ADIPOR2: variants seen among roughly 807,000 people sequenced by gnomAD.
The protein encoded by ADIPOR2 is adiponectin receptor 2.
ADIPOR2 carries 18 observed loss-of-function variants against 40.9 expected under a neutral mutation model. The observed-to-expected ratio is 0.44, with a 90% CI of 0.30 to 0.65. The LOEUF (loss-of-function observed/expected upper bound fraction) is 0.65. ADIPOR2 is among the 30% of genes least tolerant of loss of function. The probability of loss-of-function intolerance (pLI) is 0.09; values close to 1 mark genes in which losing one functional copy is unlikely to be tolerated. For missense variants in ADIPOR2, 283 were observed against 479.2 expected (o/e 0.59, Z 3.82); for synonymous variants, 165 against 166.4 (o/e 0.99, Z 0.06).
chr12:1,703,747 G>A (rs2094655707), intron 1 of ADIPOR2, among the ~76,000 whole-genome samples: 1 of 151,664 alleles, frequency 6.6e-6, no homozygotes, highest in Non-Finnish European at 1.5e-5. Context: ...ATAAATAAAT[G>A]GGAGAATCTT....
At chr12:1,760,059 A>C (rs1389692496) in intron 2 of ADIPOR2, among the ~76,000 whole-genome samples, 1 of 151,236 alleles carries the variant, frequency 6.6e-6, no homozygotes, top group Non-Finnish European at 1.5e-5. Flanking sequence ...AAAACAAAAA[A>C]AACAACCTCC....
chr12:1,716,846 A>AC (rs1182230986), intron 1 of ADIPOR2, among the ~76,000 whole-genome samples: 1 of 152,228 alleles, frequency 6.6e-6, no homozygotes, highest in Non-Finnish European at 1.5e-5. Flanking sequence ...ACTGTATCCA[A>AC]CTAGGTAGCA....
Position 1,786,985 on chromosome 12 carries a change from C to T in ADIPOR2, c.*913C>T, listed in dbSNP as rs11554734. ...AGGGGTGCTGGAGGCCATGGAGGAG[C>T]TCTAGAAACATTAGCATGGGCTGAT... On this transcript the variant is annotated 3_prime_UTR_variant, in exon 8 of 8. Transcript: ENST00000357103. The T allele has an allele frequency of 6.6e-6, 1 of 152,192 alleles. No individual in the cohort carries two copies. The highest frequency in any genetic ancestry group is 6.5e-5 in the Admixed American group (1 of 15,270). The allele number at this position is 152,192 out of a possible 1,614,324, so 9.4% of individuals were successfully genotyped here.
chr12:1,782,976 C>CTTTTTTTCTTTT (rs1862750730), intron 6 of ADIPOR2, among the ~76,000 whole-genome samples: 1 of 109,756 alleles, frequency 9.1e-6, no homozygotes, highest in Non-Finnish European at 1.8e-5. Flanking sequence ...TTCTTTCTTT[C>CTTTTTTTCTTTT]TTTTTTTTTT....
chr12:1,780,255 T>C lies in ADIPOR2; in HGVS notation c.464-196T>C, dbSNP rs533813086. 47 of 499,896 alleles carry C rather than the reference T, an allele frequency of 9.4e-5. 2 individuals carry two copies. The South Asian group carries it at 1.8e-3, about 19-fold the overall frequency. The allele number at this position is 499,896 out of a possible 1,614,324, so 31.0% of individuals were successfully genotyped here. On this transcript the variant is annotated intron_variant, in intron 4 of 7. Coordinates refer to ENST00000357103, the MANE Select transcript of ADIPOR2 (RefSeq NM_024551.3). ...ATTCTGTATATTCAGTTTATGAAGC[T>C]GAAGTATTTCTGATACCAACAATGT...
chr12:1,726,740 A>G (rs1288728848), intron 1 of ADIPOR2, among the ~76,000 whole-genome samples: 1 of 151,878 alleles, frequency 6.6e-6, no homozygotes, highest in Non-Finnish European at 1.5e-5. Flanking sequence ...TGCTAGTAAT[A>G]GTTCTATTTT....
intron 1 of ADIPOR2, among the ~76,000 whole-genome samples, chr12:1,709,529 A>T (rs1241751902): frequency 6.6e-6 from 1 of 152,202 alleles, no homozygotes; most frequent in Non-Finnish European, 1.5e-5. Flanking sequence ...AAGAAAAAAG[A>T]TTATCTCTGA....
chr12:1,741,239 A>C (rs1211258838), intron 1 of ADIPOR2, among the ~76,000 whole-genome samples: 1 of 152,174 alleles, frequency 6.6e-6, no homozygotes. Context: ...TTTGGCTGCT[A>C]AATAAAGAGA....
intron 1 of ADIPOR2, among the ~76,000 whole-genome samples, chr12:1,723,985 T>C (rs1249406510): frequency 7.0e-6 from 1 of 142,290 alleles, no homozygotes; most frequent in African/African-American, 2.5e-5. Context: ...AAATGGAATC[T>C]TTTTTTTTTT....
At chr12:1,764,713 A>G (rs890896076) in intron 2 of ADIPOR2, among the ~76,000 whole-genome samples, 1 of 151,944 alleles carries the variant, frequency 6.6e-6, no homozygotes, top group Non-Finnish European at 1.5e-5. Flanking sequence ...CACTCCCCCA[A>G]AGGTAACCAT....
At position 1,754,248 on chromosome 12, in the gene ADIPOR2, A is replaced by G. The variant is rs1565649751; in HGVS notation, c.-86-10A>G. Reference sequence around the variant, plus strand: ...TTTAATGCATTTTTTCAAAACTTTCATCTTCTTAGGATCAACTCACTATCC... The same window carrying G: ...TTTAATGCATTTTTTCAAAACTTTCGTCTTCTTAGGATCAACTCACTATCC... On this transcript the variant is annotated splice_polypyrimidine_tract_variant and intron_variant, in intron 1 of 7. Coordinates refer to ENST00000357103, the MANE Select transcript of ADIPOR2 (RefSeq NM_024551.3). The G allele has an allele frequency of 4.7e-6, 6 of 1,263,440 alleles. No homozygotes were observed. The highest frequency in any genetic ancestry group is 2.7e-5 in the East Asian group (1 of 37,532). 78.3% of individuals were successfully genotyped at this position (1,263,440 alleles called of 1,614,324 possible). A position where few individuals can be genotyped will look rare whatever the true frequency, so the allele number is the denominator to read the frequency against.
chr12:1,731,623 G>A (rs1260030701), intron 1 of ADIPOR2, among the ~76,000 whole-genome samples: 1 of 152,084 alleles, frequency 6.6e-6, no homozygotes, highest in East Asian at 1.9e-4. Context: ...TTTTGTGTCT[G>A]GTTTATTTCA....
At chr12:1,708,723 C>A (rs1439187671) in intron 1 of ADIPOR2, among the ~76,000 whole-genome samples, 1 of 142,922 alleles carries the variant, frequency 7.0e-6, no homozygotes, top group East Asian at 2.0e-4. Flanking sequence ...TATACCTATA[C>A]TTTTTTTTTT....
Position 1,754,336 on chromosome 12 carries a change from G to A in ADIPOR2, c.-8G>A. ...CAGATCTATTTGTAAGAAAGGCTTG[G>A]GTATCCCATGAACGAGCCAACAGAA... On this transcript the variant is annotated 5_prime_UTR_variant, in exon 2 of 8. Transcript: ENST00000357103. 1.3e-6 allele frequency: 2 copies of A among 1,586,990 alleles called. No individual in the cohort carries two copies. Among genetic ancestry groups the A allele is most frequent in the South Asian group, 1.2e-5 (1 of 85,316 alleles).
intron 1 of ADIPOR2, among the ~76,000 whole-genome samples, chr12:1,750,349 A>G (rs1007053627): frequency 1.3e-4 from 19 of 151,140 alleles, no homozygotes; most frequent in African/African-American, 3.4e-4. Context: ...ACTTGAGTTC[A>G]GGAGTTCAAG....
At chr12:1,731,046 A>C (rs948403063) in intron 1 of ADIPOR2, 1 of 152,176 alleles carries the variant, frequency 6.6e-6, no homozygotes, top group Non-Finnish European at 1.5e-5. Context: ...CATACATTTT[A>C]ATATTTCAGA....
intron 4 of ADIPOR2, 164 bp downstream of exon 4, chr12:1,778,189 CCTGGTTTG>C: frequency 1.3e-6 from 1 of 788,352 alleles, no homozygotes; most frequent in South Asian, 2.1e-5. Flanking sequence ...CGTAGTTTAT[CCTGGTTTG>C]CACTATGATT....
At chr12:1,724,198 G>A (rs1308356695) in intron 1 of ADIPOR2, among the ~76,000 whole-genome samples, 4 of 152,098 alleles carry the variant, frequency 2.6e-5, no homozygotes, top group Non-Finnish European at 5.9e-5. Context: ...GGCCAGGCTG[G>A]TCTTGAACTC....
rs139273377 is a variant in ADIPOR2, at chr12:1,784,188, G to T, written c.1032+115G>T. On this transcript the variant is annotated intron_variant, in intron 7 of 7. Transcript: ENST00000357103. ...ACAAAGTCAGGAGAGTTGTATCCTG[G>T]TCCTAACTCCCTATTGAGCTTTCTC... The T allele has an allele frequency of 2.2e-4, 253 of 1,158,948 alleles. 1 individual carries two copies. The African/African-American group carries it at 3.5e-3, about 16-fold the overall frequency. The allele number at this position is 1,158,948 out of a possible 1,614,324, so 71.8% of individuals were successfully genotyped here.
Sources: gnomAD v4.1 joint callset for allele counts (sites outside exome capture counted in the v4.1 genomes callset) on GRCh38, gnomAD v4.1.1 for gene constraint, MANE v1.5 for transcripts, NCBI Gene and HGNC (gene_info 2026-07-23, HGNC 2026-07-21) for gene names.